Variants in GABRB3 observed in about 807,000 individuals in gnomAD.
GABRB3 encodes gamma-aminobutyric acid receptor subunit beta-3.
In GABRB3, 14 loss-of-function variants were observed where a neutral mutation model predicts 52.1. The observed-to-expected ratio is 0.27, with a 90% CI of 0.18 to 0.42. The LOEUF is 0.42. GABRB3 is among the 10% of genes least tolerant of loss of function. GABRB3 has a pLI of 1.00. For synonymous variants in GABRB3, 260 were observed against 232.3 expected (o/e 1.12, Z -1.08); for missense variants, 307 against 609.1 (o/e 0.50, Z 5.22).
At chr15:26,703,040 C>T (rs1888986202) in intron 3 of GABRB3, among the ~76,000 whole-genome samples, 1 of 152,146 alleles carries the variant, frequency 6.6e-6, no homozygotes, top group African/African-American at 2.4e-5. Flanking sequence ...AAATCTTTCT[C>T]CAGTCTCTTC....
intron 3 of GABRB3, among the ~76,000 whole-genome samples, chr15:26,673,248 C>T (rs1309005823): frequency 1.3e-5 from 2 of 151,840 alleles, no homozygotes; most frequent in Non-Finnish European, 2.9e-5. Context: ...CCTTTCTTTC[C>T]TTCCTCCTTC....
intron 3 of GABRB3, among the ~76,000 whole-genome samples, chr15:26,673,849 A>T (rs1289006225): frequency 1.3e-5 from 2 of 152,172 alleles, no homozygotes; most frequent in East Asian, 3.9e-4. Context: ...TTAATTAATG[A>T]CCCATTATGG....
At chr15:26,562,534 T>C (rs748338258) in intron 7 of GABRB3, among the ~76,000 whole-genome samples, 4 of 152,242 alleles carry the variant, frequency 2.6e-5, no homozygotes, top group Non-Finnish European at 4.4e-5. Context: ...ACTGTCCAGA[T>C]ATGTACTCTG....
At chr15:26,729,374 C>A (rs968315542) in intron 3 of GABRB3, among the ~76,000 whole-genome samples, 3 of 152,144 alleles carry the variant, frequency 2.0e-5, no homozygotes, top group African/African-American at 7.2e-5. Context: ...TCCTTGGAGG[C>A]TCCTGAACCC....
intron 3 of GABRB3, among the ~76,000 whole-genome samples, chr15:26,709,538 G>A (rs1190390498): frequency 6.5e-5 from 2 of 30,854 alleles, no homozygotes; most frequent in African/African-American, 2.9e-4. Flanking sequence ...TTTTTTTTTT[G>A]AGACAGTCTT....
chr15:26,736,677 G>A (rs1827896107), intron 3 of GABRB3, among the ~76,000 whole-genome samples: 2 of 151,648 alleles, frequency 1.3e-5, no homozygotes, highest in African/African-American at 4.8e-5. Context: ...CAGTGGATCT[G>A]GAGCATAGGG....
intron 3 of GABRB3, among the ~76,000 whole-genome samples, chr15:26,674,464 AAAAG>A (rs56220022): frequency 0.22 from 30,435 of 135,632 alleles, 4,471 homozygotes; most frequent in South Asian, 0.32. Context: ...AAAGAAAAGA[AAAAG>A]AAAGAAAGAA....
At chr15:26,720,137 A>C (rs1889604389) in intron 3 of GABRB3, among the ~76,000 whole-genome samples, 1 of 144,950 alleles carries the variant, frequency 6.9e-6, no homozygotes, top group Non-Finnish European at 1.5e-5. Context: ...GCACCTCATG[A>C]CCCCCACTCC....
Position 26,621,601 on chromosome 15 carries a change from A to C in GABRB3, c.241-67T>G. On this transcript the variant is annotated intron_variant, in intron 3 of 8. Transcript: ENST00000311550. The surrounding 1 kb of genome is among the most constrained non-coding windows in gnomAD (Gnocchi z 4.1). ...CCACAGGTGTATTTCCTCCACGACC[A>C]GCCAAATTCAGGTTGCAATCTAGGC... The C allele has an allele frequency of 7.8e-7, 1 of 1,281,142 alleles. No individual in the cohort carries two copies. Among genetic ancestry groups the C allele is most frequent in the Non-Finnish European group, 1.1e-6 (1 of 893,878 alleles). 79.4% of individuals were successfully genotyped at this position (1,281,142 alleles called of 1,614,324 possible).
chr15:26,675,256 T>A (rs1595523781), intron 3 of GABRB3, among the ~76,000 whole-genome samples: 1 of 152,340 alleles, frequency 6.6e-6, no homozygotes, highest in East Asian at 1.9e-4. Flanking sequence ...AACCAAAGAT[T>A]TGATTTGGAA....
chr15:26,618,721 T>C (rs933879943), intron 4 of GABRB3, among the ~76,000 whole-genome samples: 11 of 151,502 alleles, frequency 7.3e-5, no homozygotes, highest in African/African-American at 2.7e-4. Flanking sequence ...ACCATCAGAG[T>C]GAACAGGCAA....
chr15:26,670,912 T>C (rs561079623), intron 3 of GABRB3, among the ~76,000 whole-genome samples: 13 of 152,332 alleles, frequency 8.5e-5, no homozygotes, highest in African/African-American at 3.1e-4. Context: ...TATTTTTATT[T>C]TTTTCAGAGA....
At chr15:26,756,492 C>A (rs1890665898) in intron 3 of GABRB3, among the ~76,000 whole-genome samples, 1 of 151,764 alleles carries the variant, frequency 6.6e-6, no homozygotes, top group Non-Finnish European at 1.5e-5. Flanking sequence ...GTGGGAGGGT[C>A]ACTTGAGCGC....
intron 3 of GABRB3, among the ~76,000 whole-genome samples, chr15:26,710,089 T>A (rs968776226): frequency 3.3e-5 from 5 of 152,182 alleles, no homozygotes; most frequent in Non-Finnish European, 5.9e-5. Flanking sequence ...TTCCTTAAGG[T>A]TCATCAATGT....
At chr15:26,761,229 C>G (rs999015497) in intron 3 of GABRB3, among the ~76,000 whole-genome samples, 2 of 152,050 alleles carry the variant, frequency 1.3e-5, no homozygotes, top group Non-Finnish European at 2.9e-5. Context: ...CCCGTCTCTA[C>G]TAAAAATACA....
rs144152633 is a variant in GABRB3 at position 26,615,767 on chromosome 15, G to A, written c.461+5547C>T. On this transcript the variant is annotated intron_variant, in intron 4 of 8. Transcript: ENST00000311550. ...AAGAAGCGTAGAGGAGCTAAGTGGC[G>A]ACTGACCTACCAGTGTAGGCTACTG... 202 of 1,132,528 alleles carry A rather than the reference G, an allele frequency of 1.8e-4. 1 individual carries two copies. The African/African-American group carries it at 2.5e-3, about 14-fold the overall frequency. 70.2% of individuals were successfully genotyped at this position (1,132,528 alleles called of 1,614,324 possible). A position where few individuals can be genotyped will look rare whatever the true frequency, so the allele number is the denominator to read the frequency against.
chr15:26,578,861 C>T (rs1012656094), intron 6 of GABRB3, among the ~76,000 whole-genome samples: 3 of 152,204 alleles, frequency 2.0e-5, no homozygotes, highest in Admixed American at 1.3e-4. Flanking sequence ...CACAGGCCAA[C>T]GTTCTTGGTT....
intron 5 of GABRB3, among the ~76,000 whole-genome samples, chr15:26,582,713 G>C (rs77678462): frequency 0.011 from 1,625 of 152,208 alleles, 34 homozygotes; most frequent in African/African-American, 0.037. Flanking sequence ...TATAAATATT[G>C]ACAAGCCTAA....
At chr15:26,764,934 T>A (rs886067733) in intron 3 of GABRB3, among the ~76,000 whole-genome samples, 2 of 151,780 alleles carry the variant, frequency 1.3e-5, no homozygotes, top group African/African-American at 4.8e-5. Context: ...ATCGAGACCA[T>A]CCTGGCTAAC....
Sources: gnomAD v4.1 joint callset for allele counts (sites outside exome capture counted in the v4.1 genomes callset) on GRCh38, gnomAD v4.1.1 for gene constraint, Gnocchi (gnomAD v3.1) non-coding constraint, MANE v1.5 for transcripts, NCBI Gene and HGNC (gene_info 2026-07-23, HGNC 2026-07-21) for gene names.